Variants in ARHGEF10 observed in about 807,000 individuals in gnomAD.
ARHGEF10 encodes the protein Rho guanine nucleotide exchange factor 10.
A neutral mutation model predicts 147.4 loss-of-function variants in ARHGEF10; 140 were observed. The observed-to-expected ratio is 0.95, with a 90% confidence interval of 0.83 to 1.09. The LOEUF is 1.09. Ranked by LOEUF, ARHGEF10 falls within the 50% of genes least tolerant of loss-of-function variation. The probability of loss-of-function intolerance (pLI) is 0.00; values close to 1 mark genes in which losing one functional copy is unlikely to be tolerated. For missense variants in ARHGEF10, 2,222 were observed against 1,752.7 expected (o/e 1.27, Z -4.78); for synonymous variants, 902 against 695.8 (o/e 1.30, Z -4.67).
At chr8:1,938,988 C>T (rs1361172519) in intron 26 of ARHGEF10, among the ~76,000 whole-genome samples, 3 of 151,022 alleles carry the variant, frequency 2.0e-5, no homozygotes, top group Non-Finnish European at 4.4e-5. Flanking sequence ...CCCCAGAGAC[C>T]CCCGAACACT....
chr8:1,858,257 C>A (rs1805769895), intron 3 of ARHGEF10, 142 bp downstream of exon 3: 1 of 723,502 alleles, frequency 1.4e-6, no homozygotes, highest in African/African-American at 1.8e-5. Flanking sequence ...GGTGAGTCCC[C>A]TGGGGGGTTC....
chr8:1,952,834 G>A lies in ARHGEF10; in HGVS notation c.3520+7G>A. 2 of 1,613,772 alleles carry A rather than the reference G, an allele frequency of 1.2e-6. No homozygotes were observed. The highest frequency in any genetic ancestry group is 1.3e-5 in the African/African-American group (1 of 75,068). On this transcript the variant is annotated splice_region_variant and intron_variant, in intron 28 of 28. Transcript: ENST00000349830. ...GGGATTCCCAAAGTGACCGGTGAGT[G>A]GCACCTGCAGTCTGAGTGGCTGCAT... is the stretch of plus-strand genomic sequence containing the variant.
intron 6 of ARHGEF10, among the ~76,000 whole-genome samples, chr8:1,867,339 A>ACAATTT (rs1806710846): frequency 6.6e-6 from 1 of 152,230 alleles, no homozygotes; most frequent in Non-Finnish European, 1.5e-5. Context: ...TGACAAAAAC[A>ACAATTT]CAATTTTTGG....
intron 7 of ARHGEF10, chr8:1,876,351 C>A: frequency 1.7e-6 from 1 of 600,822 alleles, no homozygotes; most frequent in African/African-American, 1.8e-5. Flanking sequence ...TGAGAAACAC[C>A]TGAAGTGCTT....
In ARHGEF10 at chr8:1,838,568, C is replaced by T. The variant is rs144263902; in HGVS notation, c.-47-4785C>T. Among the ~76,000 whole-genome samples the T allele has an allele frequency of 5.6e-3, 849 of 152,386 alleles. 7 individuals are homozygous for T. Among genetic ancestry groups the T allele is most frequent in the African/African-American group, 0.019 (807 of 41,592 alleles). On this transcript the variant is annotated intron_variant, in intron 1 of 28. Transcript: ENST00000349830. ...CTCATGTGTTCATTCCTTCAAAGAG[C>T]CACGCACTCTTCAGCACAGTTGGTG...
chr8:1,944,394 G>A (rs944553848), intron 26 of ARHGEF10, among the ~76,000 whole-genome samples: 1 of 152,138 alleles, frequency 6.6e-6, no homozygotes, highest in Non-Finnish European at 1.5e-5. Context: ...GAAATAAGAG[G>A]CGATGCCATG....
chr8:1,882,175 G>A (rs1250985812), intron 9 of ARHGEF10, among the ~76,000 whole-genome samples: 4 of 152,222 alleles, frequency 2.6e-5, no homozygotes, highest in African/African-American at 4.8e-5. Context: ...AGCTGGGTCC[G>A]TGTAACCATG....
intron 27 of ARHGEF10, among the ~76,000 whole-genome samples, chr8:1,951,377 T>C (rs924450994): frequency 1.3e-5 from 2 of 152,260 alleles, no homozygotes. Flanking sequence ...ACTATCGCCC[T>C]GACCAAGTCA....
Position 1,923,011 on chromosome 8 carries a change from TTG to T in ARHGEF10, c.2193_2194del (p.Leu731PhefsTer3). 6.2e-7 allele frequency: 1 copy of T among 1,613,770 alleles called. No homozygotes were observed. The highest frequency in any genetic ancestry group is 8.5e-7 in the Non-Finnish European group (1 of 1,179,972). On this transcript the variant is annotated frameshift_variant, in exon 19 of 29. Transcript: ENST00000349830. LOFTEE classifies it high-confidence loss of function. ...PGQLYQDLQN[L>X]LHDLNVIGQI... ...ACAACTGTATCAAGATTTACAAAAC[TTG>T]TTGCATGACTTAAATGTAATTGGCC...
chr8:1,956,959 G>A lies in ARHGEF10; in HGVS notation c.3731G>A (p.Gly1244Glu), dbSNP rs897540616. 6.2e-7 allele frequency: 1 copy of A among 1,614,030 alleles called. No individual in the cohort carries two copies. The highest frequency in any genetic ancestry group is 1.3e-5 in the African/African-American group (1 of 74,942). ...QGDPDAAIWL[G>E]DSLGSMTQKS... ...GACCCTGACGCAGCCATCTGGTTGGGAGATTCGCTGGGATCGATGACTCAG... is the reference window on the plus strand; with the variant it reads ...GACCCTGACGCAGCCATCTGGTTGGAAGATTCGCTGGGATCGATGACTCAG... Residue 1244 changes from glycine (G) to glutamate (E), a missense_variant, in exon 29 of 29, where the codon GGA (glycine) becomes GAA (glutamate). Coordinates refer to ENST00000349830, the MANE Select transcript of ARHGEF10 (RefSeq NM_014629.4).
intron 18 of ARHGEF10, among the ~76,000 whole-genome samples, chr8:1,915,925 C>T (rs1811729638): frequency 6.6e-6 from 1 of 152,254 alleles, no homozygotes; most frequent in Admixed American, 6.5e-5. Flanking sequence ...CTATGACTGT[C>T]AGTCAAGTTG....
rs118152770 is a variant in ARHGEF10, at chr8:1,884,088, C to T, written c.1075+1339C>T. On this transcript the variant is annotated intron_variant, in intron 10 of 28. Transcript: ENST00000349830. ...CTTTTGCGGGTCAGTTGTAGAGATGCGGCAGTTTAATAGGCAAATCCTTGG... is the reference window on the plus strand; with the variant it reads ...CTTTTGCGGGTCAGTTGTAGAGATGTGGCAGTTTAATAGGCAAATCCTTGG... Among the ~76,000 whole-genome samples, 419 of 152,198 alleles carry T rather than the reference C, an allele frequency of 2.8e-3. 8 individuals carry two copies. The East Asian group carries it at 0.065, about 24-fold the overall frequency.
rs1312956365 is a variant in ARHGEF10 at position 1,849,480 on chromosome 8, G to C, written c.37+6044G>C. Reference sequence around the variant, plus strand: ...CACATGGACACAGACAGCAAATGCTGAGGGGGGCGTGGGGCAGCCACGTGG... The same window carrying C: ...CACATGGACACAGACAGCAAATGCTCAGGGGGGCGTGGGGCAGCCACGTGG... On this transcript the variant is annotated intron_variant, in intron 2 of 28. Coordinates refer to ENST00000349830, the MANE Select transcript of ARHGEF10 (RefSeq NM_014629.4). Among the ~76,000 whole-genome samples, 9 of 150,730 alleles carry C rather than the reference G, an allele frequency of 6.0e-5. 1 individual carries two copies. The East Asian group carries it at 1.8e-3, about 30-fold the overall frequency.
At chr8:1,849,679 G>GT (rs1268881040) in intron 2 of ARHGEF10, among the ~76,000 whole-genome samples, 29 of 142,428 alleles carry the variant, frequency 2.0e-4, no homozygotes, top group African/African-American at 6.4e-4. Flanking sequence ...GTGGCCACGT[G>GT]GGCATGGATG....
intron 18 of ARHGEF10, among the ~76,000 whole-genome samples, chr8:1,911,085 A>G (rs1302483610): frequency 6.6e-6 from 1 of 152,202 alleles, no homozygotes; most frequent in African/African-American, 2.4e-5. Context: ...TTTAACTATG[A>G]GCTTCCTATC....
intron 18 of ARHGEF10, among the ~76,000 whole-genome samples, chr8:1,914,949 C>T (rs1341974902): frequency 1.3e-5 from 2 of 152,202 alleles, no homozygotes; most frequent in African/African-American, 2.4e-5. Flanking sequence ...TCCTGCAATG[C>T]GACACTGAGG....
chr8:1,865,775 C>T (rs1039612382), intron 5 of ARHGEF10, among the ~76,000 whole-genome samples: 1 of 152,200 alleles, frequency 6.6e-6, no homozygotes, highest in African/African-American at 2.4e-5. Context: ...CCATACACGT[C>T]TCTGGGTGCT....
chr8:1,844,397 T>TCCAGGGGTCCCTGGGGCCTGGTGGAC (rs1394589806), intron 2 of ARHGEF10, among the ~76,000 whole-genome samples: 4 of 21,794 alleles, frequency 1.8e-4, no homozygotes, highest in Admixed American at 4.4e-4. Context: ...GCCTGGTAGA[T>TCCAGGGGTCCCTGGGGCCTGGTGGAC]GACAGAGACG....
At chr8:1,905,929 G>A (rs918354361) in intron 17 of ARHGEF10, among the ~76,000 whole-genome samples, 7 of 152,172 alleles carry the variant, frequency 4.6e-5, no homozygotes, top group Admixed American at 1.3e-4. Context: ...GTAGAAGTAC[G>A]TAGAGGTTTA....
Sources: gnomAD v4.1 joint callset for allele counts (sites outside exome capture counted in the v4.1 genomes callset) on GRCh38, gnomAD v4.1.1 for gene constraint, MANE v1.5 for transcripts, NCBI Gene and HGNC (gene_info 2026-07-23, HGNC 2026-07-21) for gene names.